Variants in HDAC9 observed in about 807,000 individuals in gnomAD.
HDAC9 encodes the protein MEF-2 interacting transcription repressor (MITR) protein.
Under a neutral mutation model 139.4 loss-of-function variants are expected in HDAC9, and 41 were observed. The ratio of observed to expected loss-of-function variants is 0.29; its 90% CI spans 0.23 to 0.38. HDAC9 has a LOEUF of 0.38. HDAC9 is among the 10% of genes least tolerant of loss of function. The probability of loss-of-function intolerance (pLI) is 1.00; values close to 1 mark genes in which losing one functional copy is unlikely to be tolerated. For missense variants in HDAC9, 1,147 were observed against 1,297.0 expected, an observed-to-expected ratio of 0.88 and a Z score of 1.78; for synonymous variants, 517 against 476.2, an observed-to-expected ratio of 1.09 and a Z score of -1.12.
At chr7:18,366,943 TCTC>T (rs1419849721) in intron 1 of HDAC9, among the ~76,000 whole-genome samples, 6 of 152,190 alleles carry the variant, frequency 3.9e-5, no homozygotes, top group African/African-American at 1.4e-4. Context: ...CCTATTAAAA[TCTC>T]CTACATTTGG....
intron 12 of HDAC9, among the ~76,000 whole-genome samples, chr7:18,723,305 T>C (rs1039295954): frequency 6.6e-6 from 1 of 152,170 alleles, no homozygotes; most frequent in Admixed American, 6.6e-5. Context: ...AAACACTGCA[T>C]GGGAATGATA....
chr7:18,475,874 T>G (rs1174200976), intron 1 of HDAC9, among the ~76,000 whole-genome samples: 4 of 152,240 alleles, frequency 2.6e-5, no homozygotes, highest in Non-Finnish European at 5.9e-5. Flanking sequence ...TTCAGCATTA[T>G]TTGCTCTGCA....
intron 22 of HDAC9, among the ~76,000 whole-genome samples, chr7:18,906,199 G>T (rs139073034): frequency 6.6e-6 from 1 of 151,526 alleles, no homozygotes; most frequent in Non-Finnish European, 1.5e-5. Context: ...CTGGAGTGTA[G>T]TGGCACAATC....
intron 24 of HDAC9, among the ~76,000 whole-genome samples, chr7:18,966,054 G>T (rs1783824191): frequency 6.6e-6 from 1 of 152,180 alleles, no homozygotes; most frequent in Non-Finnish European, 1.5e-5. Context: ...GTTTTATTAA[G>T]TGAGTAAGGA....
chr7:18,210,458 T>C (rs1225097868), intron 2 of HDAC9, among the ~76,000 whole-genome samples: 1 of 152,206 alleles, frequency 6.6e-6, no homozygotes, highest in Non-Finnish European at 1.5e-5. Flanking sequence ...ATTTTTCAAA[T>C]ATAACTCGCA....
At chr7:18,975,156 C>T (rs904961541) in intron 24 of HDAC9, among the ~76,000 whole-genome samples, 1 of 152,184 alleles carries the variant, frequency 6.6e-6, no homozygotes, top group Non-Finnish European at 1.5e-5. Flanking sequence ...TCTCTTTCTC[C>T]TTTCCTGCCT....
intron 14 of HDAC9, among the ~76,000 whole-genome samples, chr7:18,753,177 A>G (rs1209323008): frequency 6.6e-6 from 1 of 152,140 alleles, no homozygotes; most frequent in Non-Finnish European, 1.5e-5. Flanking sequence ...CATTAATTAG[A>G]CAATCATACA....
chr7:18,292,790 T>G (rs1261400092), intron 1 of HDAC9, among the ~76,000 whole-genome samples: 1 of 152,116 alleles, frequency 6.6e-6, no homozygotes, highest in Non-Finnish European at 1.5e-5. Flanking sequence ...AAATAAAAAT[T>G]GGCTGAATCT....
At chr7:18,294,251 C>T (rs2128226356) in intron 1 of HDAC9, among the ~76,000 whole-genome samples, 1 of 152,064 alleles carries the variant, frequency 6.6e-6, no homozygotes, top group Admixed American at 6.5e-5. Flanking sequence ...ATGGATAATC[C>T]CAGACCCTGG....
intron 16 of HDAC9, among the ~76,000 whole-genome samples, chr7:18,786,778 CTTTTCTTT>C (rs1791839418): frequency 1.7e-5 from 2 of 120,948 alleles, no homozygotes; most frequent in South Asian, 5.7e-4. Flanking sequence ...CTCTTTCTTT[CTTTTCTTT>C]CTTTCTTTCT....
upstream of HDAC9, among the ~76,000 whole-genome samples, chr7:18,492,042 T>A (rs1796407109): frequency 1.3e-5 from 2 of 152,052 alleles, no homozygotes; most frequent in Admixed American, 1.3e-4. Context: ...AAGTAAAGAC[T>A]GTAACAGCCG....
chr7:18,240,421 G>C (rs907616068), intron 2 of HDAC9, among the ~76,000 whole-genome samples: 1 of 152,118 alleles, frequency 6.6e-6, no homozygotes, highest in Non-Finnish European at 1.5e-5. Context: ...GCAGTTATTT[G>C]TAATTTGTAA....
intron 2 of HDAC9, among the ~76,000 whole-genome samples, chr7:18,577,781 A>T (rs143301957): frequency 4.5e-4 from 68 of 152,334 alleles, no homozygotes; most frequent in African/African-American, 1.6e-3. Context: ...ACAGTGGTTT[A>T]GCCCCCCAAA....
chr7:18,901,378 C>T (rs576769355), intron 22 of HDAC9, among the ~76,000 whole-genome samples: 6 of 151,824 alleles, frequency 4.0e-5, no homozygotes, highest in East Asian at 3.9e-4. Context: ...TTTTTCCAAA[C>T]GCCTGTTATT....
At chr7:18,280,749 T>C (rs1257820043) in intron 2 of HDAC9, among the ~76,000 whole-genome samples, 1 of 140,568 alleles carries the variant, frequency 7.1e-6, no homozygotes, top group African/African-American at 2.6e-5. Context: ...GGTGACAGAA[T>C]GAGACCCTGT....
chr7:18,145,224 A>G (rs1049444375), intron 1 of HDAC9, among the ~76,000 whole-genome samples: 1 of 152,250 alleles, frequency 6.6e-6, no homozygotes, highest in African/African-American at 2.4e-5. Context: ...TTAGACAGAC[A>G]TAATCTTTGC....
intron 11 of HDAC9, among the ~76,000 whole-genome samples, chr7:18,655,628 G>A (rs1168176748): frequency 6.6e-6 from 1 of 152,148 alleles, no homozygotes; most frequent in Non-Finnish European, 1.5e-5. Flanking sequence ...GAAATCCTGT[G>A]TTTGGAAAAG....
intron 10 of HDAC9, 64 bp from the exon 11 acceptor site, chr7:18,648,396 TTGTGTG>T (rs1323588548): frequency 8.3e-7 from 1 of 1,206,792 alleles, no homozygotes; most frequent in East Asian, 2.4e-5. Context: ...TTTCTTAAAA[TTGTGTG>T]TGTGTGTATG....
chr7:18,561,408 T>C (rs1820560387), intron 2 of HDAC9, among the ~76,000 whole-genome samples: 1 of 152,236 alleles, frequency 6.6e-6, no homozygotes, highest in Non-Finnish European at 1.5e-5. Flanking sequence ...GAGCTCAGTA[T>C]ATCTAAACAA....
Sources: allele counts gnomAD v4.1 joint callset (sites outside exome capture counted in the v4.1 genomes callset), GRCh38; gene constraint gnomAD v4.1.1; transcripts MANE v1.5; gene names NCBI Gene and HGNC (gene_info 2026-07-23, HGNC 2026-07-21).